The following DDX17 variants were observed in gnomAD, a reference collection of about 807,000 sequenced individuals.
DDX17 encodes the protein DEAD-box helicase 17, also known as probable ATP-dependent RNA helicase DDX17.
In DDX17, 10 loss-of-function variants were observed where a neutral mutation model predicts 80.8. The ratio of observed to expected loss-of-function variants is 0.12; its 90% CI spans 0.08 to 0.21. DDX17 has a LOEUF of 0.21. Among genes scored for constraint, DDX17 ranks in the 10% least tolerant of loss-of-function variants. DDX17 has a pLI of 1.00. For synonymous variants in DDX17, 339 were observed against 336.2 expected (o/e 1.01, Z -0.09); for missense variants, 586 against 957.4 (o/e 0.61, Z 5.12).
At position 38,486,077 on chromosome 22, in the gene DDX17, C is replaced by A. The variant is rs2089655866; in HGVS notation, c.2048G>T (p.Gly683Val). 7 of 1,614,082 alleles carry A rather than the reference C, an allele frequency of 4.3e-6. No homozygotes were observed. Among genetic ancestry groups the A allele is most frequent in the Non-Finnish European group, 5.1e-6 (6 of 1,180,008 alleles). The change falls in exon 13 of 13, where the codon GGC (glycine) becomes GTC (valine). Residue 683 changes from glycine (G) to valine (V), a missense_variant. Physicochemically the swap from Gly to Val is moderately radical, Grantham distance 109. Around this residue, in one of 4 missense-constraint regions of DDX17, gnomAD observed 221 missense variants for 261.4 expected, o/e 0.85. Transcript: ENST00000403230. ...TGGCTGTGGCTGCTGCCCAGACCGG[C>A]CTATCCCACTAAACTGCTGGCTAGA...
intron 11 of DDX17, chr22:38,490,659 A>G: frequency 2.9e-6 from 1 of 340,898 alleles, no homozygotes; most frequent in South Asian, 2.4e-5. Context: ...TCAGCTGAAA[A>G]TTGCACCCCT....
Position 38,504,029 on chromosome 22 carries a change from A to T in DDX17, c.287+1922T>A, listed in dbSNP as rs544409556. The stretch of plus-strand genomic sequence containing the variant: ...CCTTTCAAATAACTTATTAAAGCAT[A>T]TATATGGTGAAAGGAAATATTAAAC... On this transcript the variant is annotated intron_variant, in intron 1 of 12. Transcript: ENST00000403230. 3.3e-5 allele frequency among the ~76,000 whole-genome samples: 5 copies of T among 152,350 alleles called. No homozygotes were observed. The South Asian group carries it at 1.0e-3, about 32-fold the overall frequency.
At chr22:38,499,934 G>A (rs2089810083) in intron 2 of DDX17, among the ~76,000 whole-genome samples, 1 of 152,016 alleles carries the variant, frequency 6.6e-6, no homozygotes, top group African/African-American at 2.4e-5. Context: ...GGAGGCTGAG[G>A]TGGGTGGATC....
rs542203796 is a variant in DDX17, at chr22:38,488,175, G to A, written c.1448-60C>T. 541 of 1,610,518 alleles carry A rather than the reference G, an allele frequency of 3.4e-4. 5 individuals are homozygous for A. The South Asian group carries it at 5.6e-3, about 17-fold the overall frequency. ...ATGTGGCAGGGAAAGAGAAGGTAAA[G>A]GACATGCCAACAACAGGTGGGAAGC... On this transcript the variant is annotated intron_variant, in intron 11 of 12. Coordinates refer to ENST00000403230, the MANE Select transcript of DDX17 (RefSeq NM_006386.5).
chr22:38,488,596 G>A, intron 11 of DDX17: 1 of 988,904 alleles, frequency 1.0e-6, no homozygotes, highest in Non-Finnish European at 1.2e-6. Flanking sequence ...CAGTCACAGA[G>A]CAAAGTAAAA....
chr22:38,488,283 G>A (rs2089681407), intron 11 of DDX17, 168 bp from the exon 12 acceptor site: 1 of 1,512,292 alleles, frequency 6.6e-7, no homozygotes, highest in East Asian at 2.3e-5. Context: ...CATCCCAACA[G>A]AGTAAAAGAG....
At chr22:38,488,457 A>G (rs1331753182) in intron 11 of DDX17, 1 of 1,158,082 alleles carries the variant, frequency 8.6e-7, no homozygotes, top group African/African-American at 1.6e-5. Context: ...TTCCAGTACT[A>G]TCCTTTACAA....
At chr22:38,501,038 G>A in intron 2 of DDX17, 92 bp downstream of exon 2, 1 of 1,402,974 alleles carries the variant, frequency 7.1e-7, no homozygotes, top group Non-Finnish European at 9.5e-7. Context: ...AGAATAAAAT[G>A]TAAAACGGCA....
intron 12 of DDX17, among the ~76,000 whole-genome samples, chr22:38,486,776 G>A (rs1427904353): frequency 1.3e-5 from 2 of 152,156 alleles, no homozygotes; most frequent in African/African-American, 4.8e-5. Context: ...CAACTGCTAT[G>A]TCTCAGTTTC....
At chr22:38,493,828 A>G (rs2089735816) in intron 9 of DDX17, 57 bp from the exon 10 acceptor site, 3 of 1,547,228 alleles carry the variant, frequency 1.9e-6, no homozygotes, top group Non-Finnish European at 1.8e-6. Flanking sequence ...AGAAAATCGA[A>G]CTTTAAAGCC....
In DDX17 at chr22:38,494,611, A is replaced by G. The variant is rs1245103853; in HGVS notation, c.1214+19T>C. ...AGGTTTATCAGCATTATCAAATCAG[A>G]GTAAAATATCTTTCATACTTGTGGT... is the stretch of plus-strand genomic sequence containing the variant. On this transcript the variant is annotated intron_variant, in intron 8 of 12. Coordinates refer to ENST00000403230, the MANE Select transcript of DDX17 (RefSeq NM_006386.5). The G allele has an allele frequency of 3.1e-6, 5 of 1,611,578 alleles. No homozygotes were observed. Among genetic ancestry groups the G allele is most frequent in the Non-Finnish European group, 3.4e-6 (4 of 1,178,032 alleles).
Position 38,489,911 on chromosome 22 carries a change from C to T in DDX17, c.1448-1796G>A. On this transcript the variant is annotated intron_variant, in intron 11 of 12. Transcript: ENST00000403230. The surrounding 1 kb of genome is among the most constrained non-coding windows in gnomAD (Gnocchi z 4.6). ...GGATAATGCTCCTTATGCAATCCCA[C>T]TGCATATGACCATGGCAGTAGAACA... The T allele has an allele frequency of 2.0e-6, 2 of 989,398 alleles. No homozygotes were observed. Among genetic ancestry groups the T allele is most frequent in the Non-Finnish European group, 2.4e-6 (2 of 832,304 alleles). 61.3% of individuals were successfully genotyped at this position (989,398 alleles called of 1,614,324 possible). A position where few individuals can be genotyped will look rare whatever the true frequency, so the allele number is the denominator to read the frequency against.
chr22:38,494,576 T>C, intron 8 of DDX17, 54 bp downstream of exon 8: 2 of 1,556,574 alleles, frequency 1.3e-6, no homozygotes, highest in Non-Finnish European at 1.8e-6. Context: ...TTTTGGAGGG[T>C]TATTAGAAAA....
At chr22:38,496,157 ATCC>A (rs1177558943) in intron 5 of DDX17, among the ~76,000 whole-genome samples, 3 of 152,142 alleles carry the variant, frequency 2.0e-5, no homozygotes, top group Non-Finnish European at 4.4e-5. Flanking sequence ...TGATACTGGT[ATCC>A]TCGTCACTTT....
Position 38,498,584 on chromosome 22 carries a change from A to G in DDX17, c.539-11T>C, listed in dbSNP as rs762598402. 5 of 1,613,016 alleles carry G rather than the reference A, an allele frequency of 3.1e-6. No individual in the cohort carries two copies. Among genetic ancestry groups the G allele is most frequent in the Non-Finnish European group, 8.5e-7 (1 of 1,179,086 alleles). The stretch of plus-strand genomic sequence containing the variant: ...CATCCATTACATATTCTGTAAGAGA[A>G]TTTTATTTTGCGTATTTTATTGTGT... On this transcript the variant is annotated splice_polypyrimidine_tract_variant and intron_variant, in intron 3 of 12. Transcript: ENST00000403230.
chr22:38,498,577 T>C lies in DDX17; in HGVS notation c.539-4A>G. ...ATCAACACATCCATTACATATTCTGTAAGAGAATTTTATTTTGCGTATTTT... is the reference window on the plus strand; with the variant it reads ...ATCAACACATCCATTACATATTCTGCAAGAGAATTTTATTTTGCGTATTTT... On this transcript the variant is annotated splice_region_variant and splice_polypyrimidine_tract_variant and intron_variant, in intron 3 of 12. Transcript: ENST00000403230. The C allele has an allele frequency of 1.2e-6, 2 of 1,613,316 alleles. No individual in the cohort carries two copies. Among genetic ancestry groups the C allele is most frequent in the Non-Finnish European group, 1.7e-6 (2 of 1,179,374 alleles).
intron 5 of DDX17, among the ~76,000 whole-genome samples, chr22:38,497,519 G>A (rs924739213): frequency 2.0e-5 from 3 of 149,192 alleles, no homozygotes; most frequent in African/African-American, 7.4e-5. Context: ...TCGGGAGGCT[G>A]AGGCAGGAGA....
chr22:38,491,921 G>A, intron 11 of DDX17, 135 bp downstream of exon 11: 1 of 592,268 alleles, frequency 1.7e-6, no homozygotes, highest in South Asian at 3.0e-5. Context: ...ATCACGCTTT[G>A]TATTTTTTTC....
intron 11 of DDX17, chr22:38,490,119 G>A (rs2089698579): frequency 3.5e-6 from 4 of 1,146,374 alleles, no homozygotes; most frequent in South Asian, 1.8e-5. Flanking sequence ...ACAGCTGGAT[G>A]GGGGCACACA....
Sources: gnomAD v4.1 joint callset for allele counts (sites outside exome capture counted in the v4.1 genomes callset) on GRCh38, gnomAD v4.1.1 for gene constraint, gnomAD v4.1.1 regional missense constraint, Gnocchi (gnomAD v3.1) non-coding constraint, MANE v1.5 for transcripts, NCBI Gene and HGNC (gene_info 2026-07-23, HGNC 2026-07-21) for gene names.